The following FMN2 variants were observed in gnomAD, a reference collection of about 807,000 sequenced individuals.
FMN2 encodes the protein formin-2.
A neutral mutation model predicts 142.3 loss-of-function variants in FMN2; 51 were observed. The ratio of observed to expected loss-of-function variants is 0.36; its 90% confidence interval spans 0.29 to 0.45. The LOEUF is 0.45. Among genes scored for constraint, FMN2 ranks in the 20% least tolerant of loss-of-function variants. The pLI, the probability that FMN2 is intolerant of heterozygous loss-of-function variation, is 1.00. For synonymous variants in FMN2, 882 were observed against 869.8 expected, an observed-to-expected ratio of 1.01 and a Z score of -0.25; for missense variants, 1,936 against 2,122.8, an observed-to-expected ratio of 0.91 and a Z score of 1.73.
chr1:240,095,777 T>C (rs1261496393), intron 1 of FMN2, among the ~76,000 whole-genome samples: 1 of 152,168 alleles, frequency 6.6e-6, no homozygotes, highest in African/African-American at 2.4e-5. Flanking sequence ...TGCATTTTAG[T>C]TTAATTTGCT....
intron 15 of FMN2, among the ~76,000 whole-genome samples, chr1:240,396,305 TGTGTGTGTGTGTGTGTGTG>T (rs1673773599): frequency 1.1e-5 from 1 of 94,456 alleles, no homozygotes; most frequent in African/African-American, 6.4e-5. Flanking sequence ...GAGGTTTTCG[TGTGTGTGTGTGTGTGTGTG>T]TGTGTGTGTG....
rs755870587 is a variant in FMN2, at chr1:240,333,916, T to A, written c.4614T>A (p.Ile1538=). The change falls in exon 12 of 18, where the codon ATT becomes ATA. Residue 1538 remains isoleucine (I), a synonymous_variant. Coordinates refer to ENST00000319653, the MANE Select transcript of FMN2 (RefSeq NM_020066.5). The part of the protein sequence containing the change: ...SDNSRSLLSY[I]VSYYLRNFDE... Reference sequence around the variant, plus strand: ...ATAGCAGAAGCCTTTTGTCATATATTGTTTCGTATTATCTCCGAAATTTTG... The same window carrying A: ...ATAGCAGAAGCCTTTTGTCATATATAGTTTCGTATTATCTCCGAAATTTTG... 4.3e-6 allele frequency: 7 copies of A among 1,610,580 alleles called. No homozygotes were observed. In the East Asian group the frequency reaches 1.6e-4, roughly 36 times the overall value.
intron 1 of FMN2, among the ~76,000 whole-genome samples, chr1:240,105,658 T>C (rs1329304774): frequency 2.0e-5 from 3 of 152,192 alleles, no homozygotes; most frequent in Non-Finnish European, 4.4e-5. Context: ...TTCCTGATGC[T>C]TCATATATTT....
intron 13 of FMN2, among the ~76,000 whole-genome samples, chr1:240,351,481 A>G (rs1672096084): frequency 6.6e-6 from 1 of 152,204 alleles, no homozygotes; most frequent in South Asian, 2.1e-4. Flanking sequence ...CAGTGTGCAC[A>G]GGAAATTCTA....
chr1:240,328,599 ATTTATTTG>A (rs202013681), intron 8 of FMN2, among the ~76,000 whole-genome samples: 37,519 of 126,894 alleles, frequency 0.3, 5,264 homozygotes, highest in Admixed American at 0.47. Context: ...TTATTTATTT[ATTTATTTG>A]AGACAAGAGT....
chr1:240,354,872 T>C (rs1277823262), intron 13 of FMN2, among the ~76,000 whole-genome samples: 3 of 152,190 alleles, frequency 2.0e-5, no homozygotes, highest in African/African-American at 7.2e-5. Context: ...GTTGTTTTTT[T>C]TTGCATCAGA....
At chr1:240,256,561 A>C (rs1668455440) in intron 6 of FMN2, among the ~76,000 whole-genome samples, 1 of 148,316 alleles carries the variant, frequency 6.7e-6, no homozygotes, top group East Asian at 2.0e-4. Flanking sequence ...CAACATGGTG[A>C]AACTCGGTCT....
intron 14 of FMN2, among the ~76,000 whole-genome samples, chr1:240,361,939 G>A (rs900722621): frequency 1.3e-5 from 2 of 152,294 alleles, no homozygotes; most frequent in Admixed American, 1.3e-4. Context: ...AATTTGTTAC[G>A]GAAGCCAGAA....
chr1:240,124,555 T>C (rs1276385702), intron 2 of FMN2, among the ~76,000 whole-genome samples: 1 of 152,206 alleles, frequency 6.6e-6, no homozygotes, highest in Non-Finnish European at 1.5e-5. Flanking sequence ...TTGGTTGGGA[T>C]GAGTACGCCT....
rs559827735 is a variant in FMN2, at chr1:240,345,509, C to T, written c.4766-10307C>T. On this transcript the variant is annotated intron_variant, in intron 13 of 17. Coordinates refer to ENST00000319653, the MANE Select transcript of FMN2 (RefSeq NM_020066.5). ...TTTTTGAGACAGAGTCTTGCTCTGT[C>T]GCCCAGGCTGGAGTGCAGTGGCCTG... Among the ~76,000 whole-genome samples the T allele has an allele frequency of 1.3e-4, 20 of 152,146 alleles. No individual in the cohort carries two copies. In the East Asian group the frequency reaches 2.3e-3, roughly 18 times the overall value.
chr1:240,251,261 G>T (rs553449699), intron 6 of FMN2, among the ~76,000 whole-genome samples: 1 of 151,736 alleles, frequency 6.6e-6, no homozygotes, highest in Non-Finnish European at 1.5e-5. Flanking sequence ...ATAGGTTTTG[G>T]TGTTTTGTGT....
intron 7 of FMN2, among the ~76,000 whole-genome samples, chr1:240,263,072 A>G (rs944829498): frequency 2.0e-5 from 3 of 152,164 alleles, no homozygotes; most frequent in Non-Finnish European, 4.4e-5. Flanking sequence ...AGAACTTTTC[A>G]GATAAGCTAG....
chr1:240,447,275 AG>A (rs1223926494), intron 16 of FMN2, among the ~76,000 whole-genome samples: 15 of 152,298 alleles, frequency 9.8e-5, no homozygotes, highest in Non-Finnish European at 2.2e-4. Context: ...GGATGTTGGG[AG>A]GTTGGATACC....
At chr1:240,441,085 C>T (rs1675598090) in intron 16 of FMN2, among the ~76,000 whole-genome samples, 1 of 150,856 alleles carries the variant, frequency 6.6e-6, no homozygotes. Context: ...ACCTCTGCCT[C>T]CCAGGTTCAA....
intron 14 of FMN2, among the ~76,000 whole-genome samples, chr1:240,367,596 A>G (rs6687214): frequency 0.4 from 60,678 of 151,264 alleles, 12,261 homozygotes; most frequent in Admixed American, 0.47. Flanking sequence ...GTGAAACCCC[A>G]TCTCTACTAA....
chr1:240,367,092 T>C (rs760512696), intron 14 of FMN2, among the ~76,000 whole-genome samples: 9 of 152,198 alleles, frequency 5.9e-5, no homozygotes, highest in Non-Finnish European at 1.2e-4. Flanking sequence ...CCGAGTTCTT[T>C]GATTTTATTT....
At position 240,323,584 on chromosome 1, in the gene FMN2, C is replaced by T. The variant is rs12071220; in HGVS notation, c.4216-5492C>T. Among the ~76,000 whole-genome samples, 830 of 152,270 alleles carry T rather than the reference C, an allele frequency of 5.5e-3. 9 individuals are homozygous for T. The highest frequency in any genetic ancestry group is 0.019 in the African/African-American group (779 of 41,552). On this transcript the variant is annotated intron_variant, in intron 8 of 17. Coordinates refer to ENST00000319653, the MANE Select transcript of FMN2 (RefSeq NM_020066.5). ...GTAACCTCACTTCCAAATTTAGTAA[C>T]AAAGTTGAGATCATCCACGTGAAAG...
chr1:240,323,497 G>C (rs1017951877), intron 8 of FMN2, among the ~76,000 whole-genome samples: 1 of 152,056 alleles, frequency 6.6e-6, no homozygotes, highest in African/African-American at 2.4e-5. Flanking sequence ...CCCTGGCCCA[G>C]ACCTTTGACC....
chr1:240,208,883 T>C, intron 5 of FMN2, 151 bp downstream of exon 5: 1 of 1,020,796 alleles, frequency 9.8e-7, no homozygotes, highest in Non-Finnish European at 1.4e-6. Flanking sequence ...GTGCAGCAGT[T>C]TGCTATTTAA....
Sources: allele counts gnomAD v4.1 joint callset (sites outside exome capture counted in the v4.1 genomes callset), GRCh38; gene constraint gnomAD v4.1.1; transcripts MANE v1.5; gene names NCBI Gene and HGNC (gene_info 2026-07-23, HGNC 2026-07-21).